Variants in STK24 observed in about 807,000 individuals in gnomAD.
The protein encoded by STK24 is serine/threonine kinase 24.
STK24 carries 21 observed loss-of-function variants against 55.6 expected under a neutral mutation model. That is an observed-to-expected ratio of 0.38 (90% CI 0.27 to 0.54). The LOEUF is 0.54. Ranked by LOEUF, STK24 falls within the 20% of genes least tolerant of loss-of-function variation. The pLI is 0.79. For missense variants in STK24, 383 were observed against 538.4 expected (o/e 0.71, Z 2.86); for synonymous variants, 200 against 215.2 (o/e 0.93, Z 0.62).
chr13:98,515,465 G>T (rs565994114), intron 2 of STK24, among the ~76,000 whole-genome samples: 67 of 151,722 alleles, frequency 4.4e-4, no homozygotes, highest in African/African-American at 1.6e-3. Flanking sequence ...TTTTTTCCAT[G>T]GTCTGTGATC....
chr13:98,524,436 G>C (rs1402758207), intron 1 of STK24, among the ~76,000 whole-genome samples: 1 of 152,182 alleles, frequency 6.6e-6, no homozygotes, highest in Non-Finnish European at 1.5e-5. Context: ...ACGTGGAAGA[G>C]AGCACGGCAC....
intron 9 of STK24, among the ~76,000 whole-genome samples, chr13:98,458,269 C>A (rs1239944649): frequency 3.3e-5 from 5 of 152,148 alleles, no homozygotes; most frequent in African/African-American, 1.2e-4. Context: ...AAGAGCTGTT[C>A]AAGTCAAGAT....
intron 5 of STK24, among the ~76,000 whole-genome samples, chr13:98,471,954 A>C (rs1001172708): frequency 1.3e-5 from 2 of 152,204 alleles, no homozygotes; most frequent in Non-Finnish European, 2.9e-5. Context: ...AATGTCTACA[A>C]GTCATGCAAG....
At chr13:98,518,681 T>C (rs544410058) in intron 2 of STK24, among the ~76,000 whole-genome samples, 5 of 152,336 alleles carry the variant, frequency 3.3e-5, no homozygotes, top group Admixed American at 6.5e-5. Context: ...TCTTTCCCAC[T>C]TAAAGAACAG....
At chr13:98,524,232 C>A (rs186095057) in intron 1 of STK24, among the ~76,000 whole-genome samples, 374 of 152,192 alleles carry the variant, frequency 2.5e-3, no homozygotes, top group African/African-American at 8.6e-3. Context: ...TGTGTCTACA[C>A]CCCCACCCCC....
rs398038978 is a variant in STK24, at chr13:98,503,024, G to GTTTTTTTTTTTTTTTTTTTTTTTT, written c.273+16218_273+16219insAAAAAAAAAAAAAAAAAAAAAAAA. Among the ~76,000 whole-genome samples, 4 of 107,084 alleles carry GTTTTTTTTTTTTTTTTTTTTTTTT rather than the reference G, an allele frequency of 3.7e-5. 1 individual carries two copies. The highest frequency in any genetic ancestry group is 1.6e-4 in the African/African-American group (4 of 25,010). 70.3% of individuals were successfully genotyped at this position (107,084 alleles called of 152,430 possible). A position where few individuals can be genotyped will look rare whatever the true frequency, so the allele number is the denominator to read the frequency against. ...AATATATTAGAAATACTTTCCATGT[G>GTTTTTTTTTTTTTTTTTTTTTTTT]TTTTTTTTTTTTTTTTTCAGTATGG... On this transcript the variant is annotated intron_variant, in intron 2 of 10. Transcript: ENST00000539966.
chr13:98,569,418 A>C (rs968815463), intron 1 of STK24, among the ~76,000 whole-genome samples: 6 of 143,320 alleles, frequency 4.2e-5, no homozygotes, highest in African/African-American at 1.6e-4. Flanking sequence ...AGAGACAAAA[A>C]AAAAAAAACA....
At chr13:98,535,869 T>G (rs1278962379) in intron 1 of STK24, among the ~76,000 whole-genome samples, 3 of 151,968 alleles carry the variant, frequency 2.0e-5, no homozygotes, top group Admixed American at 2.0e-4. Flanking sequence ...ATGCCAGGAG[T>G]AAAATGTGAT....
At chr13:98,543,794 T>G (rs1896959230) in intron 1 of STK24, among the ~76,000 whole-genome samples, 1 of 152,188 alleles carries the variant, frequency 6.6e-6, no homozygotes, top group African/African-American at 2.4e-5. Context: ...CATCAATGGC[T>G]TCTATTGAAC....
chr13:98,566,110 T>G (rs1178532650), intron 1 of STK24, among the ~76,000 whole-genome samples: 1 of 152,104 alleles, frequency 6.6e-6, no homozygotes, highest in Non-Finnish European at 1.5e-5. Flanking sequence ...CTGCCCACCT[T>G]GCTGTGCCAG....
intron 1 of STK24, among the ~76,000 whole-genome samples, chr13:98,535,323 G>C (rs1470629509): frequency 1.5e-5 from 2 of 136,640 alleles, no homozygotes; most frequent in Non-Finnish European, 3.2e-5. Flanking sequence ...GGCAACAAGA[G>C]CGAAACTCTG....
intron 3 of STK24, among the ~76,000 whole-genome samples, chr13:98,476,771 G>A (rs1247836217): frequency 2.6e-5 from 4 of 151,980 alleles, no homozygotes; most frequent in South Asian, 2.1e-4. Context: ...GCCTTGGCTC[G>A]CAGGCCTGCC....
rs367916581 is a variant in STK24, at chr13:98,463,613, G to A, written c.929+78C>T. On this transcript the variant is annotated intron_variant, in intron 7 of 10. Transcript: ENST00000539966. ...AAAAAAAAAAAACTCAACAGAAAAC[G>A]AAACCCACACCAAACAGTGACAAAG... 50 of 1,462,402 alleles carry A rather than the reference G, an allele frequency of 3.4e-5. No individual in the cohort carries two copies. In the East Asian group the frequency reaches 6.1e-4, roughly 18 times the overall value. The allele number at this position is 1,462,402 out of a possible 1,614,324, so 90.6% of individuals were successfully genotyped here. A position where few individuals can be genotyped will look rare whatever the true frequency, so the allele number is the denominator to read the frequency against.
At chr13:98,509,849 GCTCT>G (rs58308766) in intron 2 of STK24, among the ~76,000 whole-genome samples, 14 of 151,464 alleles carry the variant, frequency 9.2e-5, no homozygotes, top group African/African-American at 2.4e-4. Context: ...TCTCTCTGTC[GCTCT>G]CTCTCTCTGC....
At chr13:98,478,902 T>C (rs918768251) in intron 3 of STK24, among the ~76,000 whole-genome samples, 9 of 152,198 alleles carry the variant, frequency 5.9e-5, no homozygotes, top group South Asian at 2.1e-4. Flanking sequence ...CTCGCCTGCA[T>C]TGTTTTCCTT....
intron 1 of STK24, among the ~76,000 whole-genome samples, chr13:98,568,588 C>T (rs1292785747): frequency 2.0e-5 from 3 of 152,132 alleles, no homozygotes; most frequent in Non-Finnish European, 2.9e-5. Context: ...GAATGAAGGC[C>T]GGGGATGGTG....
chr13:98,534,671 A>G (rs1440233252), intron 1 of STK24, among the ~76,000 whole-genome samples: 1 of 152,166 alleles, frequency 6.6e-6, no homozygotes, highest in Non-Finnish European at 1.5e-5. Context: ...TGCACCAGCT[A>G]GTGCCACCCA....
intron 2 of STK24, among the ~76,000 whole-genome samples, chr13:98,490,890 G>A (rs1193574047): frequency 6.6e-6 from 1 of 151,328 alleles, no homozygotes; most frequent in Non-Finnish European, 1.5e-5. Flanking sequence ...ACTACTGATT[G>A]CCTACTAACC....
intron 1 of STK24, chr13:98,542,935 T>C (rs1316750501): frequency 1.0e-6 from 1 of 985,328 alleles, no homozygotes; most frequent in Non-Finnish European, 1.2e-6. Context: ...GGTGTATTTG[T>C]GGAGACGATG....
Sources: allele counts gnomAD v4.1 joint callset (sites outside exome capture counted in the v4.1 genomes callset), GRCh38; gene constraint gnomAD v4.1.1; transcripts MANE v1.5; gene names NCBI Gene and HGNC (gene_info 2026-07-23, HGNC 2026-07-21).